The following SUPT3H variants were observed in gnomAD, a reference collection of about 807,000 sequenced individuals.
The protein encoded by SUPT3H is transcription initiation protein SPT3 homolog.
A neutral mutation model predicts 44.3 loss-of-function variants in SUPT3H; 44 were observed. The ratio of observed to expected loss-of-function variants is 0.99; its 90% CI spans 0.78 to 1.28. The LOEUF (loss-of-function observed/expected upper bound fraction) is 1.28. Among genes scored for constraint, SUPT3H ranks in the 50% most tolerant of loss-of-function variants. The pLI is 0.00. For synonymous variants in SUPT3H, 124 were observed against 125.6 expected (o/e 0.99, Z 0.09); for missense variants, 380 against 387.1 (o/e 0.98, Z 0.15).
chr6:44,825,605 T>C (rs1252810007), downstream of SUPT3H, among the ~76,000 whole-genome samples: 1 of 152,196 alleles, frequency 6.6e-6, no homozygotes, highest in East Asian at 1.9e-4. Flanking sequence ...AGTGGGGCTG[T>C]GAGTATTAAA....
intron 2 of SUPT3H, among the ~76,000 whole-genome samples, chr6:45,224,074 A>G (rs1478056819): frequency 6.7e-6 from 1 of 150,292 alleles, no homozygotes; most frequent in African/African-American, 2.4e-5. Flanking sequence ...AAAATTCCAT[A>G]AAGAACCAAA....
chr6:44,855,630 C>T (rs926686877), intron 10 of SUPT3H, among the ~76,000 whole-genome samples: 3 of 151,236 alleles, frequency 2.0e-5, no homozygotes, highest in Non-Finnish European at 2.9e-5. Flanking sequence ...GGTGTGTAGA[C>T]GATAATGCAG....
chr6:45,324,471 T>A (rs1469652609), intron 2 of SUPT3H, among the ~76,000 whole-genome samples: 1 of 151,884 alleles, frequency 6.6e-6, no homozygotes, highest in Non-Finnish European at 1.5e-5. Flanking sequence ...AGGATTAATG[T>A]CAATATCCCC....
intron 2 of SUPT3H, among the ~76,000 whole-genome samples, chr6:45,136,051 T>C (rs1804223564): frequency 1.3e-5 from 2 of 152,106 alleles, no homozygotes; most frequent in South Asian, 4.1e-4. Flanking sequence ...CACCAGTGAA[T>C]CCAATGGAAA....
chr6:45,259,103 G>T (rs1773904287), intron 2 of SUPT3H, among the ~76,000 whole-genome samples: 1 of 151,948 alleles, frequency 6.6e-6, no homozygotes, highest in African/African-American at 2.4e-5. Context: ...TTGTAAATTA[G>T]TGTGTATGCT....
intron 3 of SUPT3H, among the ~76,000 whole-genome samples, chr6:45,078,031 C>T (rs1189951979): frequency 1.3e-5 from 2 of 152,076 alleles, no homozygotes; most frequent in African/African-American, 2.4e-5. Context: ...TGTCAGTACA[C>T]CTGGCTAATT....
intron 10 of SUPT3H, among the ~76,000 whole-genome samples, chr6:44,867,943 C>T (rs762347148): frequency 1.3e-5 from 2 of 148,794 alleles, no homozygotes; most frequent in Non-Finnish European, 3.0e-5. Context: ...TCCCCCATCC[C>T]TACCTTCTCA....
intron 2 of SUPT3H, among the ~76,000 whole-genome samples, chr6:45,242,214 T>C (rs892156600): frequency 6.6e-6 from 1 of 152,180 alleles, no homozygotes; most frequent in Non-Finnish European, 1.5e-5. Context: ...CCTATGCTTA[T>C]CCAGCCTTTC....
chr6:45,208,396 TCTAA>T (rs1208953429), intron 2 of SUPT3H, among the ~76,000 whole-genome samples: 4 of 151,992 alleles, frequency 2.6e-5, no homozygotes. Context: ...AACAAGAAGA[TCTAA>T]CTAAGATCAC....
intron 10 of SUPT3H, among the ~76,000 whole-genome samples, chr6:44,909,138 T>TGCGC (rs1377492091): frequency 1.8e-4 from 16 of 88,172 alleles, no homozygotes; most frequent in African/African-American, 6.7e-4. Flanking sequence ...TGTGTGTGTG[T>TGCGC]GTGCGTGTGT....
At chr6:45,121,280 T>A (rs531691916) in intron 2 of SUPT3H, among the ~76,000 whole-genome samples, 2 of 152,196 alleles carry the variant, frequency 1.3e-5, no homozygotes, top group African/African-American at 4.8e-5. Flanking sequence ...TTGGAGAACG[T>A]CCCATTTTTT....
chr6:45,188,188 T>C (rs571408400), intron 2 of SUPT3H, among the ~76,000 whole-genome samples: 51 of 152,352 alleles, frequency 3.3e-4, no homozygotes, highest in Non-Finnish European at 6.6e-4. Flanking sequence ...GCAACAGCAG[T>C]GATGCTGGCA....
intron 2 of SUPT3H, among the ~76,000 whole-genome samples, chr6:45,284,127 C>T (rs1030547742): frequency 2.6e-5 from 4 of 151,924 alleles, no homozygotes; most frequent in Non-Finnish European, 4.4e-5. Flanking sequence ...ACTACATGCC[C>T]ACAAGAGAAA....
At chr6:45,313,877 G>T (rs1454897207) in intron 2 of SUPT3H, among the ~76,000 whole-genome samples, 2 of 152,042 alleles carry the variant, frequency 1.3e-5, no homozygotes, top group Non-Finnish European at 2.9e-5. Flanking sequence ...GATGAACATA[G>T]ATACTAAAAT....
chr6:45,204,250 A>AAGAAG (rs1762860332), intron 2 of SUPT3H, among the ~76,000 whole-genome samples: 1 of 143,052 alleles, frequency 7.0e-6, no homozygotes, highest in Admixed American at 7.1e-5. Flanking sequence ...CCGTCTCAAA[A>AAGAAG]AAGAAGAAGA....
chr6:45,003,552 G>C, intron 6 of SUPT3H, 101 bp downstream of exon 6: 1 of 1,382,390 alleles, frequency 7.2e-7, no homozygotes, highest in East Asian at 2.4e-5. Context: ...CACTGACTTA[G>C]AGATTTCAGA....
chr6:44,925,900 A>T (rs1319128636), intron 10 of SUPT3H, among the ~76,000 whole-genome samples: 4 of 152,176 alleles, frequency 2.6e-5, no homozygotes, highest in Non-Finnish European at 5.9e-5. Context: ...AATATTCTTC[A>T]AACAAATGCC....
intron 10 of SUPT3H, among the ~76,000 whole-genome samples, chr6:44,924,451 G>C (rs1769219299): frequency 6.6e-6 from 1 of 152,018 alleles, no homozygotes; most frequent in South Asian, 2.1e-4. Flanking sequence ...ATACCTCTTG[G>C]AATACTTGTC....
chr6:45,241,943 G>A (rs1456608835), intron 2 of SUPT3H, among the ~76,000 whole-genome samples: 1 of 152,114 alleles, frequency 6.6e-6, no homozygotes, highest in Non-Finnish European at 1.5e-5. Context: ...AGTCATGAAG[G>A]ACTACACAAA....
Sources: allele counts gnomAD v4.1 joint callset (sites outside exome capture counted in the v4.1 genomes callset), GRCh38; gene constraint gnomAD v4.1.1; transcripts MANE v1.5; gene names NCBI Gene and HGNC (gene_info 2026-07-23, HGNC 2026-07-21).